FMN2: variants seen among roughly 807,000 people sequenced by gnomAD.
FMN2 encodes formin 2.
In FMN2, 51 loss-of-function variants were observed where a neutral mutation model predicts 142.3. The ratio of observed to expected loss-of-function variants is 0.36; its 90% CI spans 0.29 to 0.45. The LOEUF (loss-of-function observed/expected upper bound fraction) is 0.45, where lower values mean the gene tolerates loss of function less well. Ranked by LOEUF, FMN2 falls within the 20% of genes least tolerant of loss-of-function variation. The pLI, the probability that FMN2 is intolerant of heterozygous loss-of-function variation, is 1.00. For synonymous variants in FMN2, 882 were observed against 869.8 expected (o/e 1.01, Z -0.25); for missense variants, 1,936 against 2,122.8 (o/e 0.91, Z 1.73).
intron 7 of FMN2, among the ~76,000 whole-genome samples, chr1:240,259,508 T>C (rs968189085): frequency 6.7e-6 from 1 of 149,100 alleles, no homozygotes; most frequent in African/African-American, 2.5e-5. Flanking sequence ...TTTTTTTTAA[T>C]ATGGTGGCCT....
chr1:240,358,010 A>G (rs1005080879), intron 14 of FMN2, among the ~76,000 whole-genome samples: 1 of 152,114 alleles, frequency 6.6e-6, no homozygotes, highest in Non-Finnish European at 1.5e-5. Flanking sequence ...ACTAACCTAT[A>G]TACTGTATTC....
At chr1:240,311,543 TAAAA>T (rs556475530) in intron 8 of FMN2, among the ~76,000 whole-genome samples, 3 of 151,050 alleles carry the variant, frequency 2.0e-5, no homozygotes, top group Non-Finnish European at 3.0e-5. Flanking sequence ...ATTTCAGAAT[TAAAA>T]AAAAAGAAAA....
At chr1:240,149,821 T>C (rs893158367) in intron 2 of FMN2, among the ~76,000 whole-genome samples, 1 of 152,214 alleles carries the variant, frequency 6.6e-6, no homozygotes, top group African/African-American at 2.4e-5. Flanking sequence ...GCTTTACATT[T>C]TAAAATCAAA....
intron 2 of FMN2, among the ~76,000 whole-genome samples, chr1:240,169,343 A>G (rs772452093): frequency 2.6e-5 from 4 of 152,208 alleles, no homozygotes; most frequent in Non-Finnish European, 5.9e-5. Flanking sequence ...ATCACACCCA[A>G]GCCCAATTCA....
intron 16 of FMN2, among the ~76,000 whole-genome samples, chr1:240,445,307 G>A (rs1232839801): frequency 6.6e-6 from 1 of 152,204 alleles, no homozygotes; most frequent in African/African-American, 2.4e-5. Context: ...ACAACAAAAA[G>A]TAAGCGCATA....
intron 7 of FMN2, among the ~76,000 whole-genome samples, chr1:240,282,245 T>C (rs6429198): frequency 0.33 from 50,062 of 152,092 alleles, 10,086 homozygotes; most frequent in African/African-American, 0.57. Flanking sequence ...CTCCAAGAGA[T>C]GCACAGCTGG....
intron 2 of FMN2, among the ~76,000 whole-genome samples, chr1:240,173,418 G>GT (rs1664790549): frequency 6.6e-6 from 1 of 152,198 alleles, no homozygotes; most frequent in African/African-American, 2.4e-5. Flanking sequence ...GAAATGTGGG[G>GT]TGACAGGTGT....
chr1:240,209,203 C>T (rs941834829), intron 5 of FMN2, among the ~76,000 whole-genome samples: 5 of 151,888 alleles, frequency 3.3e-5, no homozygotes, highest in African/African-American at 9.7e-5. Context: ...TTCAAGTTTC[C>T]ATTTCTGACA....
intron 2 of FMN2, among the ~76,000 whole-genome samples, chr1:240,159,764 G>A (rs1664181402): frequency 6.6e-6 from 1 of 151,812 alleles, no homozygotes; most frequent in African/African-American, 2.4e-5. Context: ...TGCTCACTGA[G>A]AGGGTTTGAA....
intron 6 of FMN2, among the ~76,000 whole-genome samples, chr1:240,249,555 A>G (rs1355857358): frequency 6.6e-6 from 1 of 151,686 alleles, no homozygotes; most frequent in African/African-American, 2.4e-5. Flanking sequence ...TTGTTTGTTT[A>G]TTCGTTTTGC....
intron 2 of FMN2, among the ~76,000 whole-genome samples, chr1:240,146,219 TAAA>T (rs35158592): frequency 1.6e-5 from 2 of 127,088 alleles, no homozygotes; most frequent in Non-Finnish European, 1.6e-5. Context: ...CCGTCTCTAC[TAAA>T]AAAAAAAAAA....
chr1:240,409,981 T>C (rs1674340548), intron 15 of FMN2, among the ~76,000 whole-genome samples: 1 of 152,192 alleles, frequency 6.6e-6, no homozygotes, highest in Admixed American at 6.5e-5. Flanking sequence ...TTTAGTACTC[T>C]TTTGACCAAA....
intron 1 of FMN2, among the ~76,000 whole-genome samples, chr1:240,121,736 A>G (rs1488512662): frequency 4.1e-5 from 2 of 49,198 alleles, no homozygotes; most frequent in Non-Finnish European, 8.6e-5. Context: ...GGGAAATAGT[A>G]AAAAAAAAAA....
intron 13 of FMN2, among the ~76,000 whole-genome samples, chr1:240,342,111 C>G (rs10926226): frequency 0.062 from 9,394 of 152,246 alleles, 336 homozygotes; most frequent in South Asian, 0.12. Flanking sequence ...TACTTCCGCC[C>G]TGTTTATTAA....
At chr1:240,439,565 G>A (rs1052696513) in intron 16 of FMN2, among the ~76,000 whole-genome samples, 4 of 152,134 alleles carry the variant, frequency 2.6e-5, no homozygotes, top group Non-Finnish European at 4.4e-5. Context: ...TGAATAGTAG[G>A]TGGAAAAAGA....
intron 5 of FMN2, among the ~76,000 whole-genome samples, chr1:240,209,392 A>G (rs1289596054): frequency 6.6e-6 from 1 of 151,296 alleles, no homozygotes; most frequent in East Asian, 2.0e-4. Flanking sequence ...CTGGGACTAC[A>G]GGCGCCCGCC....
intron 7 of FMN2, among the ~76,000 whole-genome samples, chr1:240,265,133 A>G (rs1417231434): frequency 1.3e-5 from 2 of 152,240 alleles, no homozygotes; most frequent in Non-Finnish European, 1.5e-5. Context: ...AAACTGGCAA[A>G]CAGGCATACT....
chr1:240,306,478 C>T (rs564685077), intron 8 of FMN2, among the ~76,000 whole-genome samples: 3 of 152,184 alleles, frequency 2.0e-5, no homozygotes, highest in South Asian at 4.1e-4. Context: ...TTTATGTGAA[C>T]CCAAAATTTA....
intron 7 of FMN2, among the ~76,000 whole-genome samples, chr1:240,277,206 C>T (rs904379901): frequency 1.3e-5 from 2 of 152,056 alleles, no homozygotes; most frequent in Admixed American, 1.3e-4. Flanking sequence ...TGGATAATAA[C>T]ATTGAATATT....
Sources: allele counts gnomAD v4.1 joint callset (sites outside exome capture counted in the v4.1 genomes callset), GRCh38; gene constraint gnomAD v4.1.1; transcripts MANE v1.5; gene names NCBI Gene and HGNC (gene_info 2026-07-23, HGNC 2026-07-21).